Variants in DRICH1 observed in about 807,000 individuals in gnomAD.
DRICH1 encodes the protein aspartate-rich protein 1.
DRICH1 carries 38 observed loss-of-function variants against 39.5 expected under a neutral mutation model. The ratio of observed to expected loss-of-function variants is 0.96; its 90% CI spans 0.74 to 1.26. The LOEUF is 1.26. Among genes scored for constraint, DRICH1 ranks in the 50% most tolerant of loss-of-function variants. DRICH1 has a pLI of 0.00. For missense variants in DRICH1, 279 were observed against 270.4 expected (o/e 1.03, Z -0.22); for synonymous variants, 84 against 99.5 (o/e 0.84, Z 0.93).
the DRICH1 span, among the ~76,000 whole-genome samples, chr22:23,595,568 T>A: frequency 6.6e-6 from 1 of 152,180 alleles, no homozygotes; most frequent in African/African-American, 2.4e-5. Flanking sequence ...ATCCTAAAAT[T>A]AAGTAAACAC....
rs564389276 is a variant in DRICH1 at position 23,610,817 on chromosome 22, C to CTT, written c.686-2051_686-2050dup. Among the ~76,000 whole-genome samples the CTT allele has an allele frequency of 1.5e-4, 21 of 143,128 alleles. No homozygotes were observed. In the South Asian group the frequency reaches 3.2e-3, roughly 22 times the overall value. The allele number at this position is 143,128 out of a possible 152,430, so 93.9% of individuals were successfully genotyped here. A position where few individuals can be genotyped will look rare whatever the true frequency, so the allele number is the denominator to read the frequency against. ...TTTCCTATCACTGTCTAAAAGCACT[C>CTT]TTTTTTTTTTTTACATAGTAAGACC... On this transcript the variant is annotated intron_variant, in intron 11 of 11. Transcript: ENST00000317749.
intron 4 of DRICH1, among the ~76,000 whole-genome samples, chr22:23,621,457 A>G (rs151052665): frequency 0.014 from 2,181 of 152,060 alleles, 61 homozygotes; most frequent in African/African-American, 0.049. Context: ...CCCAACAATC[A>G]ATATGTGACA....
At chr22:23,621,999 C>T (rs1927767558) in intron 4 of DRICH1, 92 bp downstream of exon 4, 2 of 1,157,114 alleles carry the variant, frequency 1.7e-6, no homozygotes, top group South Asian at 1.2e-5. Flanking sequence ...TTTATAGCTC[C>T]CTGAGTCCAT....
chr22:23,616,991 C>A, intron 7 of DRICH1, 117 bp from the exon 8 acceptor site: 1 of 1,246,354 alleles, frequency 8.0e-7, no homozygotes, highest in Middle Eastern at 1.9e-4. Flanking sequence ...AGTGGTAAGT[C>A]AAGGTCAAAG....
intron 3 of DRICH1, among the ~76,000 whole-genome samples, chr22:23,622,596 A>T (rs1158413684): frequency 6.6e-6 from 1 of 152,150 alleles, no homozygotes; most frequent in African/African-American, 2.4e-5. Context: ...CTATTACTTA[A>T]TTAAAAGTCT....
intron 1 of DRICH1, chr22:23,630,931 G>C (rs1602355388): frequency 6.6e-6 from 1 of 152,120 alleles, no homozygotes; most frequent in Non-Finnish European, 1.5e-5. Flanking sequence ...GAATACGTAC[G>C]GTGTTAGACA....
intron 2 of DRICH1, among the ~76,000 whole-genome samples, chr22:23,625,630 G>T (rs553578820): frequency 3.3e-5 from 5 of 152,122 alleles, no homozygotes; most frequent in Admixed American, 2.6e-4. Flanking sequence ...ACCCTGAGCT[G>T]ACTAGGATGT....
chr22:23,631,940 AG>A lies in DRICH1; in HGVS notation c.83del (p.Thr28MetfsTer17). 6.2e-7 allele frequency: 1 copy of A among 1,613,812 alleles called. No individual in the cohort carries two copies. ...CAGCAGCCACAGTCTCATAAATATC[AG>A]TATCAGATTCATAACAGGGTGCGTC... is the stretch of plus-strand genomic sequence containing the variant. The part of the protein sequence containing the change: ...GKDAPCYESD[T>X]DIYETVAAAT... On this transcript the variant is annotated frameshift_variant, in exon 1 of 12. Transcript: ENST00000317749. LOFTEE classifies it high-confidence loss of function.
At chr22:23,587,315 C>G in the DRICH1 span, among the ~76,000 whole-genome samples, 1 of 152,214 alleles carries the variant, frequency 6.6e-6, no homozygotes, top group African/African-American at 2.4e-5. Flanking sequence ...CCTGGCATAA[C>G]CGGGAATCTG....
At chr22:23,605,076 AC>A (rs1441085668), downstream of DRICH1, among the ~76,000 whole-genome samples, 1 of 152,152 alleles carries the variant, frequency 6.6e-6, no homozygotes, top group Non-Finnish European at 1.5e-5. Flanking sequence ...CTCTATTTGT[AC>A]AATGGGGATC....
chr22:23,597,927 T>G, the DRICH1 span, among the ~76,000 whole-genome samples: 1 of 151,650 alleles, frequency 6.6e-6, no homozygotes, highest in Non-Finnish European at 1.5e-5. Context: ...GTTTTTCTCC[T>G]GTCCCACATC....
chr22:23,589,934 C>T, the DRICH1 span, among the ~76,000 whole-genome samples: 1 of 152,156 alleles, frequency 6.6e-6, no homozygotes, highest in African/African-American at 2.4e-5. Flanking sequence ...CCAGACATAC[C>T]CTCCCTTCAT....
chr22:23,581,275 C>CA, the DRICH1 span: 1 of 152,112 alleles, frequency 6.6e-6, no homozygotes, highest in African/African-American at 2.4e-5. Context: ...GACAGGCCCC[C>CA]GGTCCTCTCC....
the DRICH1 span, chr22:23,581,657 T>C: frequency 6.8e-6 from 1 of 146,430 alleles, no homozygotes; most frequent in Non-Finnish European, 1.5e-5. Flanking sequence ...CAGGCTGGAG[T>C]GCAGTGTGGC....
the DRICH1 span, among the ~76,000 whole-genome samples, chr22:23,598,631 G>C: frequency 6.6e-6 from 1 of 152,198 alleles, no homozygotes. Context: ...CCTCCTCCTA[G>C]CCGTTCAGGG....
chr22:23,608,744 G>A lies in DRICH1; in HGVS notation c.*20C>T. On this transcript the variant is annotated 3_prime_UTR_variant, in exon 12 of 12. Transcript: ENST00000317749. ...GCCTGCCCTTTGGGTCAGCACCCTG[G>A]TCAGCTCCACAGAAGGGCTTCACCC... 1.9e-6 allele frequency: 3 copies of A among 1,558,162 alleles called. No individual in the cohort carries two copies. Among genetic ancestry groups the A allele is most frequent in the Non-Finnish European group, 2.6e-6 (3 of 1,149,826 alleles).
intron 4 of DRICH1, among the ~76,000 whole-genome samples, 159 bp downstream of exon 4, chr22:23,621,928 CAAAA>C (rs1308018530): frequency 6.6e-6 from 1 of 151,332 alleles, no homozygotes; most frequent in Admixed American, 6.6e-5. Flanking sequence ...CAAAACAAAA[CAAAA>C]AAAGAAAAGA....
chr22:23,621,472 C>T (rs1220326668), intron 4 of DRICH1, among the ~76,000 whole-genome samples: 6 of 151,792 alleles, frequency 4.0e-5, no homozygotes, highest in South Asian at 2.1e-4. Context: ...GTGACACCCA[C>T]GAAGATTGTG....
chr22:23,615,742 G>C (rs1264170514), intron 8 of DRICH1, among the ~76,000 whole-genome samples: 2 of 152,204 alleles, frequency 1.3e-5, no homozygotes, highest in Non-Finnish European at 2.9e-5. Context: ...ACATTCATGA[G>C]ATTGAAATCC....
Sources: gnomAD v4.1 joint callset for allele counts (sites outside exome capture counted in the v4.1 genomes callset) on GRCh38, gnomAD v4.1.1 for gene constraint, MANE v1.5 for transcripts, NCBI Gene and HGNC (gene_info 2026-07-23, HGNC 2026-07-21) for gene names.